The following ARFGEF3 variants were observed in gnomAD, a reference collection of about 807,000 sequenced individuals.
ARFGEF3 encodes the protein brefeldin A-inhibited guanine nucleotide-exchange protein 3.
A neutral mutation model predicts 221.7 loss-of-function variants in ARFGEF3; 96 were observed. The ratio of observed to expected loss-of-function variants is 0.43; its 90% CI spans 0.37 to 0.51. The LOEUF (loss-of-function observed/expected upper bound fraction) is 0.51, where lower values mean the gene tolerates loss of function less well. ARFGEF3 is among the 20% of genes least tolerant of loss of function. The probability of loss-of-function intolerance (pLI) is 0.00; values close to 1 mark genes in which losing one functional copy is unlikely to be tolerated. For missense variants in ARFGEF3, 2,410 were observed against 2,789.9 expected (o/e 0.86, Z 3.07); for synonymous variants, 1,145 against 1,126.8 (o/e 1.02, Z -0.32).
chr6:138,273,640 C>T (rs1378664686), intron 12 of ARFGEF3, among the ~76,000 whole-genome samples: 1 of 152,082 alleles, frequency 6.6e-6, no homozygotes, highest in African/African-American at 2.4e-5. Flanking sequence ...GTGCAAAAAC[C>T]TGAAGTGTGG....
chr6:138,185,736 G>A (rs1018580754), intron 2 of ARFGEF3, among the ~76,000 whole-genome samples: 3 of 152,008 alleles, frequency 2.0e-5, no homozygotes, highest in Non-Finnish European at 4.4e-5. Flanking sequence ...TTAGAGCCTC[G>A]ACCTTTCTCC....
intron 17 of ARFGEF3, among the ~76,000 whole-genome samples, chr6:138,288,214 T>C (rs1244188639): frequency 6.6e-6 from 1 of 151,440 alleles, no homozygotes; most frequent in Admixed American, 6.6e-5. Context: ...CAAAACCCTG[T>C]CTCTACTAAA....
In ARFGEF3 at chr6:138,162,086, G is replaced by A. The variant is rs750241241; in HGVS notation, c.-1G>A. 3 of 1,594,096 alleles carry A rather than the reference G, an allele frequency of 1.9e-6. No homozygotes were observed. The African/African-American group carries it at 4.1e-5, about 22-fold the overall frequency. ...GGCGGCCCGGCGCCTGGAAGGTCAA[G>A]ATGGAAGAAATCCTGAGGAAGCTGC... On this transcript the variant is annotated 5_prime_UTR_variant, in exon 1 of 34. Transcript: ENST00000251691. The surrounding 1 kb of genome is among the most constrained non-coding windows in gnomAD (Gnocchi z 4.7).
intron 12 of ARFGEF3, among the ~76,000 whole-genome samples, chr6:138,265,618 G>C (rs1287606524): frequency 6.6e-6 from 1 of 151,888 alleles, no homozygotes; most frequent in African/African-American, 2.4e-5. Flanking sequence ...GTGCATGTTT[G>C]TGTCTGTCTG....
At chr6:138,258,575 C>A (rs1778728946) in intron 10 of ARFGEF3, among the ~76,000 whole-genome samples, 1 of 152,166 alleles carries the variant, frequency 6.6e-6, no homozygotes, top group Admixed American at 6.5e-5. Context: ...TTCCATCCCG[C>A]CATTTAACAA....
At chr6:138,195,562 T>A (rs762251825) in intron 2 of ARFGEF3, among the ~76,000 whole-genome samples, 1 of 152,198 alleles carries the variant, frequency 6.6e-6, no homozygotes, top group Non-Finnish European at 1.5e-5. Flanking sequence ...AGTATTTTCC[T>A]GTGTCAAAAA....
chr6:138,255,731 C>A lies in ARFGEF3; in HGVS notation c.1066C>A (p.Pro356Thr). Residue 356 changes from proline (P) to threonine (T), a missense_variant, in exon 10 of 34, where the codon CCC becomes ACC. By Grantham distance (38) the Pro-to-Thr change is conservative. Around this residue, in one of 5 missense-constraint regions of ARFGEF3, gnomAD observed 570 missense variants for 586.9 expected, o/e 0.97. Coordinates refer to ENST00000251691, the MANE Select transcript of ARFGEF3 (RefSeq NM_020340.5). Reference protein sequence around the residue: ...LYHRVLLYPPPQHRVEAIKIM... With the variant: ...LYHRVLLYPPTQHRVEAIKIM... Reference sequence around the variant, plus strand: ...CCACCGAGTGCTGCTCTACCCCCCACCCCAGCACCGGGTGGAAGCCATCAA... The same window carrying A: ...CCACCGAGTGCTGCTCTACCCCCCAACCCAGCACCGGGTGGAAGCCATCAA... 1 of 1,596,960 alleles carries A rather than the reference C, an allele frequency of 6.3e-7. No individual in the cohort carries two copies.
chr6:138,191,366 C>A (rs1245333367), intron 2 of ARFGEF3, among the ~76,000 whole-genome samples: 1 of 152,152 alleles, frequency 6.6e-6, no homozygotes, highest in Non-Finnish European at 1.5e-5. Flanking sequence ...GAATGCCTGG[C>A]ACAGAGTGGG....
intron 17 of ARFGEF3, 136 bp from the exon 18 acceptor site, chr6:138,289,682 C>A: frequency 2.3e-6 from 2 of 881,446 alleles, no homozygotes. Flanking sequence ...TCCGCAAGGA[C>A]CTACTGTGGA....
rs1275534147 is a variant in ARFGEF3 at position 138,204,040 on chromosome 6, T to C, written c.138-3002T>C. Among the ~76,000 whole-genome samples, 4 of 151,912 alleles carry C rather than the reference T, an allele frequency of 2.6e-5. No individual in the cohort carries two copies. The East Asian group carries it at 7.8e-4, about 30-fold the overall frequency. On this transcript the variant is annotated intron_variant, in intron 2 of 33. Coordinates refer to ENST00000251691, the MANE Select transcript of ARFGEF3 (RefSeq NM_020340.5). Reference sequence around the variant, plus strand: ...CTGTTCTGTGCAAAATCTTTCTGGGTACATAAAAAGATTCGAGGCCAGGCG... The same window carrying C: ...CTGTTCTGTGCAAAATCTTTCTGGGCACATAAAAAGATTCGAGGCCAGGCG...
rs1007006441 is a variant in ARFGEF3 at position 138,340,813 on chromosome 6, C to T, written c.*4327C>T. 3.9e-5 allele frequency: 6 copies of T among 151,942 alleles called. No homozygotes were observed. Among genetic ancestry groups the T allele is most frequent in the African/African-American group, 1.5e-4 (6 of 41,332 alleles). The allele number at this position is 151,942 out of a possible 1,614,324, so 9.4% of individuals were successfully genotyped here. On this transcript the variant is annotated 3_prime_UTR_variant, in exon 34 of 34. Coordinates refer to ENST00000251691, the MANE Select transcript of ARFGEF3 (RefSeq NM_020340.5). ...ATGCTCTAAGTCCATAGAGTAAGCA[C>T]TCTAGTATGAAAAAAAGTTTCAAGG...
At chr6:138,218,238 A>C in intron 4 of ARFGEF3, 2 of 1,613,372 alleles carry the variant, frequency 1.2e-6, no homozygotes, top group Non-Finnish European at 1.7e-6. Context: ...TTTTTTTCGA[A>C]ATACCTTGTA....
chr6:138,238,697 GC>G, intron 6 of ARFGEF3, 66 bp downstream of exon 6: 2 of 1,537,652 alleles, frequency 1.3e-6, no homozygotes, highest in Non-Finnish European at 8.9e-7. Context: ...ATGCCCCGGG[GC>G]CCCCACTGCC....
In ARFGEF3 at chr6:138,207,174, T is replaced by C. The variant is rs6916055; in HGVS notation, c.219+51T>C. On this transcript the variant is annotated intron_variant, in intron 3 of 33. Transcript: ENST00000251691. ...GATGATAGAAATTGACAGGCCACTTTGGCATTGAAAGGGCAAATAGTTAAC... is the reference window on the plus strand; with the variant it reads ...GATGATAGAAATTGACAGGCCACTTCGGCATTGAAAGGGCAAATAGTTAAC... 3,252 of 1,468,716 alleles carry C rather than the reference T, an allele frequency of 2.2e-3. 65 individuals are homozygous for C. The African/African-American group carries it at 0.039, about 18-fold the overall frequency. 91.0% of individuals were successfully genotyped at this position (1,468,716 alleles called of 1,614,324 possible).
intron 2 of ARFGEF3, among the ~76,000 whole-genome samples, chr6:138,206,159 A>G (rs1333438868): frequency 2.0e-5 from 3 of 152,304 alleles, no homozygotes; most frequent in Non-Finnish European, 4.4e-5. Flanking sequence ...GTCACATTTT[A>G]TTTTTGTGCC....
rs1349507933 is a variant in ARFGEF3 at position 138,162,495 on chromosome 6, G to T, written c.85+324G>T. On this transcript the variant is annotated intron_variant, in intron 1 of 33. Coordinates refer to ENST00000251691, the MANE Select transcript of ARFGEF3 (RefSeq NM_020340.5). The surrounding 1 kb of genome is among the most constrained non-coding windows in gnomAD (Gnocchi z 4.7). ...GTTAGGCAGGACCCGGAGCCGGTGC[G>T]AATCCTGGGGCCTGACAGCGAAGCG... 6.6e-6 allele frequency among the ~76,000 whole-genome samples: 1 copy of T among 152,174 alleles called. No individual in the cohort carries two copies. The highest frequency in any genetic ancestry group is 1.5e-5 in the Non-Finnish European group (1 of 68,030).
intron 24 of ARFGEF3, among the ~76,000 whole-genome samples, chr6:138,310,201 A>G (rs1050536720): frequency 1.3e-5 from 2 of 152,314 alleles, no homozygotes; most frequent in African/African-American, 4.8e-5. Context: ...TCAAATACAC[A>G]GCGGCCACAG....
intron 4 of ARFGEF3, among the ~76,000 whole-genome samples, chr6:138,214,737 A>G (rs1182076253): frequency 6.6e-6 from 1 of 152,234 alleles, no homozygotes; most frequent in Non-Finnish European, 1.5e-5. Flanking sequence ...ATGAAATCCA[A>G]TATTCCAAGG....
chr6:138,201,733 G>A (rs912744937), intron 2 of ARFGEF3, among the ~76,000 whole-genome samples: 11 of 152,170 alleles, frequency 7.2e-5, no homozygotes, highest in Admixed American at 5.2e-4. Context: ...ATACTGCTGG[G>A]GTGATGGGTG....
Sources: allele counts gnomAD v4.1 joint callset (sites outside exome capture counted in the v4.1 genomes callset), GRCh38; gene constraint gnomAD v4.1.1; regional missense constraint gnomAD v4.1.1; non-coding constraint Gnocchi (gnomAD v3.1); transcripts MANE v1.5; gene names NCBI Gene and HGNC (gene_info 2026-07-23, HGNC 2026-07-21).